ESYT2: variants seen among roughly 807,000 people sequenced by gnomAD.
The protein encoded by ESYT2 is extended synaptotagmin 2, also known as extended synaptotagmin-2.
ESYT2 carries 54 observed loss-of-function variants against 107.2 expected under a neutral mutation model. The observed-to-expected ratio is 0.50, with a 90% confidence interval of 0.40 to 0.63. The LOEUF is 0.63. Ranked by LOEUF, ESYT2 falls within the 30% of genes least tolerant of loss-of-function variation. ESYT2 has a pLI of 0.00. For missense variants in ESYT2, 1,020 were observed against 1,094.5 expected (o/e 0.93, Z 0.96); for synonymous variants, 491 against 434.1 (o/e 1.13, Z -1.63).
At chr7:158,820,118 A>G (rs1315248099) in intron 1 of ESYT2, among the ~76,000 whole-genome samples, 2 of 152,132 alleles carry the variant, frequency 1.3e-5, no homozygotes, top group African/African-American at 4.8e-5. Context: ...ACTAGCAACT[A>G]CCATTATGGA....
At chr7:158,749,800 G>T in intron 14 of ESYT2, 77 bp from the exon 15 acceptor site, 1 of 1,318,140 alleles carries the variant, frequency 7.6e-7, no homozygotes. Flanking sequence ...TGAAATTACT[G>T]GCTTATATTA....
chr7:158,789,364 T>C (rs1230059636), intron 4 of ESYT2, among the ~76,000 whole-genome samples: 3 of 152,136 alleles, frequency 2.0e-5, no homozygotes, highest in Non-Finnish European at 4.4e-5. Context: ...CATTTTCTTT[T>C]CTTTTTTTTT....
intron 1 of ESYT2, among the ~76,000 whole-genome samples, chr7:158,804,710 C>T (rs1043987636): frequency 6.6e-6 from 1 of 151,420 alleles, no homozygotes; most frequent in Admixed American, 6.6e-5. Flanking sequence ...GCGTGACAAA[C>T]CCGAACTGCT....
At chr7:158,799,184 T>C in intron 1 of ESYT2, 112 bp from the exon 2 acceptor site, 1 of 925,364 alleles carries the variant, frequency 1.1e-6, no homozygotes, top group Non-Finnish European at 1.7e-6. Flanking sequence ...AAGATGCTTC[T>C]TTAAAACACT....
At position 158,731,903 on chromosome 7, in the gene ESYT2, GGCACTTCA is replaced by G. The variant is rs1331038814; in HGVS notation, c.*2296_*2303del. The G allele has an allele frequency of 6.7e-6, 1 of 150,278 alleles. No homozygotes were observed. Among genetic ancestry groups the G allele is most frequent in the Non-Finnish European group, 1.5e-5 (1 of 68,038 alleles). The allele number at this position is 150,278 out of a possible 1,614,324, so 9.3% of individuals were successfully genotyped here. A position where few individuals can be genotyped will look rare whatever the true frequency, so the allele number is the denominator to read the frequency against. Reference sequence around the variant, plus strand: ...TGGCTTCACTCCTCCACATCTGGGAGGCACTTCAGTGCCTCAGAATCACCCCCTTTTTT... The same window carrying G: ...TGGCTTCACTCCTCCACATCTGGGAGGTGCCTCAGAATCACCCCCTTTTTT... On this transcript the variant is annotated 3_prime_UTR_variant, in exon 23 of 23. Coordinates refer to ENST00000275418, the MANE Select transcript of ESYT2 (RefSeq NM_001367773.1).
chr7:158,790,064 G>GGAGGGTCCTCCTGGGGCAC (rs1839238031), intron 4 of ESYT2, among the ~76,000 whole-genome samples: 1 of 138,858 alleles, frequency 7.2e-6, no homozygotes, highest in Non-Finnish European at 1.5e-5. Context: ...TCCTGGGGGC[G>GGAGGGTCCTCCTGGGGCAC]GAGCGTCCTC....
At chr7:158,822,323 G>C (rs140175856) in intron 1 of ESYT2, among the ~76,000 whole-genome samples, 32 of 152,270 alleles carry the variant, frequency 2.1e-4, no homozygotes, top group African/African-American at 6.7e-4. Flanking sequence ...ATTATATACT[G>C]ATACCTTGAA....
chr7:158,786,433 C>A (rs1328608183), intron 6 of ESYT2, among the ~76,000 whole-genome samples: 2 of 150,538 alleles, frequency 1.3e-5, no homozygotes, highest in African/African-American at 2.5e-5. Context: ...GGAAAAAAAA[C>A]ACATTAATTT....
chr7:158,828,041 T>C (rs1340890381), intron 1 of ESYT2, among the ~76,000 whole-genome samples: 5 of 152,278 alleles, frequency 3.3e-5, no homozygotes, highest in Middle Eastern at 6.8e-3. Flanking sequence ...CTTCCAAAAC[T>C]TCCTGCCACA....
intron 1 of ESYT2, among the ~76,000 whole-genome samples, chr7:158,800,014 G>C (rs191340474): frequency 6.6e-6 from 1 of 151,828 alleles, no homozygotes; most frequent in Non-Finnish European, 1.5e-5. Flanking sequence ...ATACACATTT[G>C]CATATGCGTA....
At chr7:158,800,697 TTTTA>T (rs372537407) in intron 1 of ESYT2, among the ~76,000 whole-genome samples, 1,764 of 151,984 alleles carry the variant, frequency 0.012, 32 homozygotes, top group African/African-American at 0.04. Flanking sequence ...GTCCACTTTT[TTTTA>T]AATAGGTTTC....
At chr7:158,768,626 G>A (rs960690956) in intron 7 of ESYT2, among the ~76,000 whole-genome samples, 3 of 152,110 alleles carry the variant, frequency 2.0e-5, no homozygotes, top group Non-Finnish European at 4.4e-5. Context: ...CCATGTTGGC[G>A]AGGCTGGTCT....
intron 9 of ESYT2, 51 bp downstream of exon 9, chr7:158,764,625 CG>C (rs988420971): frequency 5.7e-6 from 9 of 1,572,200 alleles, no homozygotes; most frequent in African/African-American, 4.1e-5. Flanking sequence ...TTGGCCATCC[CG>C]CTCAGGGCTC....
intron 9 of ESYT2, among the ~76,000 whole-genome samples, chr7:158,763,939 G>T (rs1445467770): frequency 1.3e-5 from 2 of 152,166 alleles, no homozygotes; most frequent in Non-Finnish European, 2.9e-5. Context: ...AGGAGTGGGG[G>T]AGAGGAGTCG....
At chr7:158,819,992 G>GA (rs36009287) in intron 1 of ESYT2, among the ~76,000 whole-genome samples, 16,403 of 152,138 alleles carry the variant, frequency 0.11, 1,333 homozygotes, top group East Asian at 0.43. Flanking sequence ...GCTGTTATCC[G>GA]AAAGGACACT....
At chr7:158,804,867 T>C (rs1463597811) in intron 1 of ESYT2, among the ~76,000 whole-genome samples, 2 of 152,186 alleles carry the variant, frequency 1.3e-5, no homozygotes, top group Non-Finnish European at 2.9e-5. Flanking sequence ...CCTCATTCAG[T>C]GCTTTCCAAG....
intron 2 of ESYT2, 132 bp downstream of exon 2, chr7:158,798,899 G>C: frequency 1.3e-6 from 1 of 753,454 alleles, no homozygotes; most frequent in Non-Finnish European, 2.2e-6. Context: ...AGGTCTTTGG[G>C]GACCAGAAGC....
At chr7:158,784,562 G>A (rs1250420018) in intron 6 of ESYT2, among the ~76,000 whole-genome samples, 6 of 152,236 alleles carry the variant, frequency 3.9e-5, no homozygotes, top group Admixed American at 3.3e-4. Context: ...CTCAGAGGGA[G>A]AGGAAAGCGA....
chr7:158,814,571 C>T (rs1840099906), intron 1 of ESYT2, among the ~76,000 whole-genome samples: 1 of 152,146 alleles, frequency 6.6e-6, no homozygotes, highest in African/African-American at 2.4e-5. Flanking sequence ...GTCTGGCTGT[C>T]ACCTCCTAAC....
Sources: allele counts gnomAD v4.1 joint callset (sites outside exome capture counted in the v4.1 genomes callset), GRCh38; gene constraint gnomAD v4.1.1; transcripts MANE v1.5; gene names NCBI Gene and HGNC (gene_info 2026-07-23, HGNC 2026-07-21).